The following CDKAL1 variants were observed in gnomAD, a reference collection of about 807,000 sequenced individuals.
CDKAL1 encodes CDKAL1 threonylcarbamoyladenosine tRNA methylthiotransferase, also known as threonylcarbamoyladenosine tRNA methylthiotransferase.
Under a neutral mutation model 68.2 loss-of-function variants are expected in CDKAL1, and 32 were observed. The ratio of observed to expected loss-of-function variants is 0.47; its 90% CI spans 0.35 to 0.63. The LOEUF (loss-of-function observed/expected upper bound fraction) is 0.63, where lower values mean the gene tolerates loss of function less well. Among genes scored for constraint, CDKAL1 ranks in the 30% least tolerant of loss-of-function variants. CDKAL1 has a pLI of 0.00. For missense variants in CDKAL1, 606 were observed against 696.7 expected (o/e 0.87, Z 1.47); for synonymous variants, 234 against 244.3 (o/e 0.96, Z 0.39).
At chr6:20,913,116 TACACACACACACACACACACAC>T (rs70990080) in intron 9 of CDKAL1, among the ~76,000 whole-genome samples, 3 of 136,462 alleles carry the variant, frequency 2.2e-5, no homozygotes, top group African/African-American at 5.7e-5. Context: ...CACAGTTGTT[TACACACACACACACACACACAC>T]ACACACACAC....
At chr6:20,671,843 A>G (rs922332522) in intron 5 of CDKAL1, among the ~76,000 whole-genome samples, 1 of 151,984 alleles carries the variant, frequency 6.6e-6, no homozygotes, top group Admixed American at 6.6e-5. Flanking sequence ...GACCAACATG[A>G]TTCTCCTGCC....
At chr6:20,687,602 G>A (rs1004616697) in intron 5 of CDKAL1, among the ~76,000 whole-genome samples, 1 of 151,784 alleles carries the variant, frequency 6.6e-6, no homozygotes, top group Non-Finnish European at 1.5e-5. Context: ...TGGAGTGCAT[G>A]GTCACAGCTC....
At chr6:20,889,834 G>C (rs1024952707) in intron 9 of CDKAL1, among the ~76,000 whole-genome samples, 1 of 152,144 alleles carries the variant, frequency 6.6e-6, no homozygotes, top group Non-Finnish European at 1.5e-5. Context: ...GATTGTCTTG[G>C]CAATGCGGGC....
intron 13 of CDKAL1, among the ~76,000 whole-genome samples, chr6:21,181,557 A>G (rs981516271): frequency 6.6e-6 from 1 of 152,218 alleles, no homozygotes; most frequent in East Asian, 1.9e-4. Context: ...CCTGGCCTTT[A>G]GAACCATGAG....
At chr6:20,999,455 A>G (rs563650274) in intron 10 of CDKAL1, among the ~76,000 whole-genome samples, 2 of 149,690 alleles carry the variant, frequency 1.3e-5, no homozygotes, top group South Asian at 4.3e-4. Context: ...ATTTTTAAAC[A>G]CTCTCTGAGT....
chr6:20,864,054 A>G (rs1759779853), intron 9 of CDKAL1, among the ~76,000 whole-genome samples: 2 of 152,200 alleles, frequency 1.3e-5, no homozygotes, highest in African/African-American at 2.4e-5. Context: ...TGTTAACTGG[A>G]GAATAAATTG....
At position 20,933,938 on chromosome 6, in the gene CDKAL1, T is replaced by A. The variant is rs555088591; in HGVS notation, c.743-21481T>A. Among the ~76,000 whole-genome samples, 22 of 151,806 alleles carry A rather than the reference T, an allele frequency of 1.4e-4. 1 individual carries two copies. The highest frequency in any genetic ancestry group is 9.2e-4 in the Admixed American group (14 of 15,246). ...CATTGTTTAATCTTTTTTTTTTTTT[T>A]AAATAGTAAAAGGTTATGTTATTTA... On this transcript the variant is annotated intron_variant, in intron 9 of 15. Coordinates refer to ENST00000274695, the MANE Select transcript of CDKAL1 (RefSeq NM_017774.3).
chr6:20,708,905 A>G (rs954272338), intron 5 of CDKAL1, among the ~76,000 whole-genome samples: 3 of 151,984 alleles, frequency 2.0e-5, no homozygotes, highest in African/African-American at 4.8e-5. Flanking sequence ...CTTATTGTTT[A>G]TGTCTACCCT....
In CDKAL1 at chr6:21,178,316, A is replaced by T. The variant is rs559575325; in HGVS notation, c.1300-19705A>T. Among the ~76,000 whole-genome samples the T allele has an allele frequency of 1.2e-3, 182 of 152,338 alleles. 1 individual carries two copies. The highest frequency in any genetic ancestry group is 4.2e-3 in the African/African-American group (173 of 41,572). ...ATTTAAGGATCTTTTATAACATAAA[A>T]TTCCTGTACAAAGCCAGTACCTGTA... On this transcript the variant is annotated intron_variant, in intron 13 of 15. Coordinates refer to ENST00000274695, the MANE Select transcript of CDKAL1 (RefSeq NM_017774.3).
At chr6:21,014,074 G>A (rs1437187386) in intron 11 of CDKAL1, among the ~76,000 whole-genome samples, 1 of 152,146 alleles carries the variant, frequency 6.6e-6, no homozygotes, top group Non-Finnish European at 1.5e-5. Context: ...AGGAGAAAGA[G>A]TTAAAGAAGT....
intron 6 of CDKAL1, among the ~76,000 whole-genome samples, chr6:20,750,353 C>T (rs111576405): frequency 7.9e-5 from 12 of 152,270 alleles, no homozygotes; most frequent in African/African-American, 2.6e-4. Flanking sequence ...TTGTATTTTT[C>T]ACTGTTATGT....
chr6:20,664,173 C>T (rs186802199), intron 5 of CDKAL1, among the ~76,000 whole-genome samples: 117 of 152,190 alleles, frequency 7.7e-4, no homozygotes, highest in Middle Eastern at 3.4e-3. Context: ...CAGAAACTGT[C>T]GAGAACTACC....
intron 9 of CDKAL1, among the ~76,000 whole-genome samples, chr6:20,941,074 G>C (rs1419847235): frequency 6.7e-6 from 1 of 149,334 alleles, no homozygotes; most frequent in Non-Finnish European, 1.5e-5. Flanking sequence ...GCGACAGACG[G>C]AGCAAGACTC....
At chr6:20,819,637 A>G (rs1238025659) in intron 8 of CDKAL1, among the ~76,000 whole-genome samples, 1 of 152,110 alleles carries the variant, frequency 6.6e-6, no homozygotes, top group Non-Finnish European at 1.5e-5. Flanking sequence ...CATTTCACAC[A>G]TTTATCTTGT....
At chr6:20,694,035 G>A in intron 5 of CDKAL1, among the ~76,000 whole-genome samples, 1 of 140,370 alleles carries the variant, frequency 7.1e-6, no homozygotes, top group South Asian at 2.3e-4. Flanking sequence ...AACACACCCG[G>A]CTAACTTTGT....
chr6:20,605,363 C>G (rs1448972212), intron 4 of CDKAL1, among the ~76,000 whole-genome samples: 1 of 152,102 alleles, frequency 6.6e-6, no homozygotes, highest in African/African-American at 2.4e-5. Flanking sequence ...TTAATATCCT[C>G]GAGTTCTATG....
chr6:20,619,996 A>G (rs1485324369), intron 4 of CDKAL1, among the ~76,000 whole-genome samples: 4 of 152,128 alleles, frequency 2.6e-5, no homozygotes, highest in Non-Finnish European at 5.9e-5. Flanking sequence ...GTTGTAATCT[A>G]CTTTTGTCTG....
intron 13 of CDKAL1, among the ~76,000 whole-genome samples, chr6:21,187,727 C>T (rs1376976910): frequency 3.9e-5 from 6 of 152,152 alleles, no homozygotes; most frequent in Admixed American, 2.6e-4. Flanking sequence ...AACAATCTCT[C>T]TCTCCAATGC....
chr6:21,011,876 G>A (rs543690325), intron 11 of CDKAL1, among the ~76,000 whole-genome samples: 42 of 152,178 alleles, frequency 2.8e-4, no homozygotes, highest in African/African-American at 9.4e-4. Context: ...ACGTTTGCAT[G>A]CATATATATT....
Sources: gnomAD v4.1 joint callset for allele counts (sites outside exome capture counted in the v4.1 genomes callset) on GRCh38, gnomAD v4.1.1 for gene constraint, MANE v1.5 for transcripts, NCBI Gene and HGNC (gene_info 2026-07-23, HGNC 2026-07-21) for gene names.